The following CCDC178 variants were observed in gnomAD, a reference collection of about 807,000 sequenced individuals.
The protein encoded by CCDC178 is coiled-coil domain containing 178, also known as coiled-coil domain-containing protein 178.
A neutral mutation model predicts 117.4 loss-of-function variants in CCDC178; 126 were observed. The ratio of observed to expected loss-of-function variants is 1.07; its 90% CI spans 0.93 to 1.24. The LOEUF (loss-of-function observed/expected upper bound fraction) is 1.24, where lower values mean the gene tolerates loss of function less well. Ranked by LOEUF, CCDC178 falls within the 50% of genes most tolerant of loss-of-function variation. The probability of loss-of-function intolerance (pLI) is 0.00; values close to 1 mark genes in which losing one functional copy is unlikely to be tolerated. For missense variants in CCDC178, 1,030 were observed against 986.9 expected (o/e 1.04, Z -0.59); for synonymous variants, 283 against 313.4 (o/e 0.90, Z 1.02).
At chr18:32,958,981 A>G (rs2054649371) in intron 22 of CCDC178, among the ~76,000 whole-genome samples, 1 of 152,146 alleles carries the variant, frequency 6.6e-6, no homozygotes, top group Non-Finnish European at 1.5e-5. Flanking sequence ...TCAGCTCTCT[A>G]CAATTCAGTT....
At position 33,215,437 on chromosome 18, in the gene CCDC178, G is replaced by A. The variant is rs547653738; in HGVS notation, c.2078+113C>T. ...ATAACACATATATATTCCACACTACGTTATAATTAAAAATACGAACCATTT... is the reference window on the plus strand; with the variant it reads ...ATAACACATATATATTCCACACTACATTATAATTAAAAATACGAACCATTT... On this transcript the variant is annotated intron_variant, in intron 19 of 22. Transcript: ENST00000383096. The A allele has an allele frequency of 5.2e-5, 36 of 686,962 alleles. No homozygotes were observed. In the Admixed American group the frequency reaches 7.2e-4, roughly 14 times the overall value. The allele number at this position is 686,962 out of a possible 1,614,324, so 42.6% of individuals were successfully genotyped here. A position where few individuals can be genotyped will look rare whatever the true frequency, so the allele number is the denominator to read the frequency against.
chr18:33,010,186 G>T (rs1401223592), intron 21 of CCDC178, among the ~76,000 whole-genome samples: 1 of 152,100 alleles, frequency 6.6e-6, no homozygotes, highest in Non-Finnish European at 1.5e-5. Context: ...TTATATGTTT[G>T]ATTTTTAGGT....
chr18:33,102,662 A>G (rs1371584982), intron 20 of CCDC178, among the ~76,000 whole-genome samples: 2 of 151,748 alleles, frequency 1.3e-5, no homozygotes. Flanking sequence ...ACATTAGAGC[A>G]CTGTCCAAAC....
chr18:33,166,540 A>ACT (rs1283301727), intron 20 of CCDC178, among the ~76,000 whole-genome samples: 84 of 152,272 alleles, frequency 5.5e-4, no homozygotes, highest in African/African-American at 1.9e-3. Flanking sequence ...AGGTGTCTAT[A>ACT]AGGAAAGAGT....
intron 6 of CCDC178, among the ~76,000 whole-genome samples, chr18:33,359,029 C>T (rs1434737072): frequency 6.6e-6 from 1 of 151,824 alleles, no homozygotes; most frequent in Admixed American, 6.6e-5. Context: ...CTGGCATTCA[C>T]AGTCCTGCAT....
intron 21 of CCDC178, among the ~76,000 whole-genome samples, chr18:33,087,443 G>A (rs564530318): frequency 1.7e-4 from 26 of 152,262 alleles, no homozygotes; most frequent in Middle Eastern, 3.4e-3. Flanking sequence ...ACTCTTCAGA[G>A]AAATGGGACA....
At chr18:33,168,970 T>C (rs1003402547) in intron 20 of CCDC178, among the ~76,000 whole-genome samples, 6 of 152,232 alleles carry the variant, frequency 3.9e-5, no homozygotes, top group Admixed American at 3.9e-4. Context: ...TTGTTCAGTG[T>C]ATTTAGAGTA....
At chr18:33,303,663 A>G (rs2062210084) in intron 11 of CCDC178, among the ~76,000 whole-genome samples, 1 of 151,392 alleles carries the variant, frequency 6.6e-6, no homozygotes, top group South Asian at 2.1e-4. Flanking sequence ...GCTCAAAAAC[A>G]TAAAGTCTAG....
chr18:33,009,390 A>G (rs1414870224), intron 21 of CCDC178, among the ~76,000 whole-genome samples: 1 of 151,944 alleles, frequency 6.6e-6, no homozygotes, highest in Non-Finnish European at 1.5e-5. Context: ...TCCCTTCATT[A>G]TTTCTCTGTT....
chr18:33,399,194 T>C (rs1313132437), intron 3 of CCDC178, among the ~76,000 whole-genome samples: 1 of 148,438 alleles, frequency 6.7e-6, no homozygotes, highest in Non-Finnish European at 1.5e-5. Context: ...AGCAAGACTG[T>C]CTTAAAAAAA....
At chr18:32,966,953 T>A (rs890369795) in intron 22 of CCDC178, among the ~76,000 whole-genome samples, 11 of 151,936 alleles carry the variant, frequency 7.2e-5, no homozygotes, top group Admixed American at 5.3e-4. Flanking sequence ...TCTTATTAAT[T>A]CTAAAGTTTT....
chr18:33,266,493 AG>A (rs1192965083), intron 14 of CCDC178, among the ~76,000 whole-genome samples: 91 of 151,434 alleles, frequency 6.0e-4, no homozygotes, highest in African/African-American at 2.1e-3. Flanking sequence ...AGGTAAGATA[AG>A]GCTGTGTAAA....
intron 21 of CCDC178, among the ~76,000 whole-genome samples, chr18:32,976,160 A>C (rs2055023311): frequency 6.6e-6 from 1 of 152,156 alleles, no homozygotes; most frequent in Non-Finnish European, 1.5e-5. Context: ...ATTTCAGATA[A>C]TTTGGGCTAT....
intron 15 of CCDC178, among the ~76,000 whole-genome samples, chr18:33,229,306 C>T (rs2059344594): frequency 6.6e-6 from 1 of 151,768 alleles, no homozygotes; most frequent in Non-Finnish European, 1.5e-5. Flanking sequence ...TGTGAGCTAC[C>T]CCAGGAACAG....
intron 2 of CCDC178, among the ~76,000 whole-genome samples, chr18:33,425,632 G>A (rs1000811353): frequency 2.0e-5 from 3 of 152,120 alleles, no homozygotes; most frequent in African/African-American, 4.8e-5. Flanking sequence ...GTCTGTATCT[G>A]ATCCAATCAA....
intron 14 of CCDC178, among the ~76,000 whole-genome samples, chr18:33,260,060 T>C (rs1293954799): frequency 2.0e-5 from 3 of 151,972 alleles, no homozygotes; most frequent in South Asian, 2.1e-4. Flanking sequence ...TACACATATA[T>C]ATATATATTA....
At chr18:32,978,189 A>AT (rs1215570836) in intron 21 of CCDC178, among the ~76,000 whole-genome samples, 1 of 147,488 alleles carries the variant, frequency 6.8e-6, no homozygotes, top group African/African-American at 2.5e-5. Context: ...AGAAAGAGTA[A>AT]TATCTCAAAA....
intron 15 of CCDC178, among the ~76,000 whole-genome samples, chr18:33,237,791 A>AC (rs397957169): frequency 6.6e-6 from 1 of 151,954 alleles, no homozygotes; most frequent in Admixed American, 6.6e-5. Flanking sequence ...AAAAAAAAAA[A>AC]CATAAATAAA....
intron 22 of CCDC178, among the ~76,000 whole-genome samples, chr18:32,966,159 G>A (rs868400215): frequency 6.6e-6 from 1 of 151,254 alleles, no homozygotes; most frequent in Non-Finnish European, 1.5e-5. Flanking sequence ...GTATATTTTG[G>A]ATATTTACTT....
Sources: gnomAD v4.1 joint callset for allele counts (sites outside exome capture counted in the v4.1 genomes callset) on GRCh38, gnomAD v4.1.1 for gene constraint, MANE v1.5 for transcripts, NCBI Gene and HGNC (gene_info 2026-07-23, HGNC 2026-07-21) for gene names.